AASDH: variants seen among roughly 807,000 people sequenced by gnomAD.
AASDH encodes aminoadipate-semialdehyde dehydrogenase.
Under a neutral mutation model 102.3 loss-of-function variants are expected in AASDH, and 81 were observed. That is an observed-to-expected ratio of 0.79 (90% CI 0.66 to 0.95). The LOEUF (loss-of-function observed/expected upper bound fraction) is 0.95, where lower values mean the gene tolerates loss of function less well. AASDH is among the 40% of genes least tolerant of loss of function. The pLI, the probability that AASDH is intolerant of heterozygous loss-of-function variation, is 0.00. For synonymous variants in AASDH, 398 were observed against 454.0 expected (o/e 0.88, Z 1.57); for missense variants, 1,203 against 1,266.2 (o/e 0.95, Z 0.76).
chr4:56,365,100 C>A (rs1307016513), intron 5 of AASDH, among the ~76,000 whole-genome samples: 1 of 152,018 alleles, frequency 6.6e-6, no homozygotes, highest in Non-Finnish European at 1.5e-5. Context: ...TTTAAACCAA[C>A]AAAGATCAAA....
Position 56,348,616 on chromosome 4 carries a change from T to C in AASDH, c.2488+647A>G, listed in dbSNP as rs376482353. Reference sequence around the variant, plus strand: ...AATGATGGTATGGAACTTGGAACGCTAGGTCATAAAAGGTACTCTGTTCCT... The same window carrying C: ...AATGATGGTATGGAACTTGGAACGCCAGGTCATAAAAGGTACTCTGTTCCT... On this transcript the variant is annotated intron_variant, in intron 11 of 14. Coordinates refer to ENST00000205214, the MANE Select transcript of AASDH (RefSeq NM_181806.4). Among the ~76,000 whole-genome samples the C allele has an allele frequency of 5.8e-4, 88 of 152,252 alleles. 1 individual carries two copies. Among genetic ancestry groups the C allele is most frequent in the African/African-American group, 2.0e-3 (85 of 41,550 alleles).
At chr4:56,359,123 T>C (rs1749985651) in intron 5 of AASDH, among the ~76,000 whole-genome samples, 1 of 151,860 alleles carries the variant, frequency 6.6e-6, no homozygotes, top group African/African-American at 2.4e-5. Context: ...TTTTTTTTTT[T>C]GCTAGTGCAT....
chr4:56,355,048 T>C (rs1276567427), intron 6 of AASDH, 134 bp downstream of exon 6: 7 of 1,175,014 alleles, frequency 6.0e-6, no homozygotes, highest in Admixed American at 5.9e-5. Context: ...AGGTTCTGGA[T>C]TCCCAACTTA....
At chr4:56,376,793 C>A (rs1028607638) in intron 4 of AASDH, among the ~76,000 whole-genome samples, 1 of 152,114 alleles carries the variant, frequency 6.6e-6, no homozygotes. Flanking sequence ...CTTTGCCGGG[C>A]ACGGTGGCTC....
chr4:56,371,552 A>C lies in AASDH; in HGVS notation c.760T>G (p.Ser254Ala), dbSNP rs1751709483. The C allele has an allele frequency of 6.2e-7, 1 of 1,613,484 alleles. No individual in the cohort carries two copies. The highest frequency in any genetic ancestry group is 1.7e-5 in the Admixed American group (1 of 59,728). ...PSVVEIFLAL[S>A]SGASLLIVPT... ...ACAATAAGCAGAGAGGCACCACTTG[A>C]TAGAGCAAGAAATATTTCCACAACA... Residue 254 changes from serine (S) to alanine (A), a missense_variant, in exon 5 of 15, where the codon TCA (serine) becomes GCA (alanine). Physicochemically the swap from Ser to Ala is moderately conservative, Grantham distance 99. Coordinates refer to ENST00000205214, the MANE Select transcript of AASDH (RefSeq NM_181806.4).
chr4:56,374,322 T>C (rs1752087780), intron 4 of AASDH, among the ~76,000 whole-genome samples: 1 of 139,902 alleles, frequency 7.1e-6, no homozygotes, highest in Non-Finnish European at 1.5e-5. Flanking sequence ...GAGCAGAGAC[T>C]GCACTGCTGC....
At chr4:56,339,841 G>C (rs528179219) in intron 14 of AASDH, among the ~76,000 whole-genome samples, 1 of 151,990 alleles carries the variant, frequency 6.6e-6, no homozygotes, top group South Asian at 2.1e-4. Context: ...AGTTAATTGT[G>C]CTGAAAGGAA....
chr4:56,347,719 C>T (rs781648686), intron 11 of AASDH, among the ~76,000 whole-genome samples: 13 of 152,016 alleles, frequency 8.6e-5, no homozygotes, highest in South Asian at 2.1e-4. Flanking sequence ...CTGGACAACA[C>T]GCAGAAGCTC....
chr4:56,373,071 A>G (rs1392695168), intron 4 of AASDH, among the ~76,000 whole-genome samples: 2 of 152,212 alleles, frequency 1.3e-5, no homozygotes, highest in African/African-American at 4.8e-5. Context: ...AGACAAGGTA[A>G]GTAAGAGCAA....
Position 56,338,401 on chromosome 4 carries a change from A to ATTAT in AASDH, c.3294_3297dup, listed in dbSNP as rs779847193. The ATTAT allele has an allele frequency of 1.4e-5, 23 of 1,612,358 alleles. No homozygotes were observed. In the Admixed American group the frequency reaches 3.0e-4, roughly 21 times the overall value. On this transcript the variant is annotated 3_prime_UTR_variant, in exon 15 of 15. Transcript: ENST00000205214. ...GTTATACAAATAAGGACTGTATTTGATTATTTTTGATTGCCACCCAATAAA... is the reference window on the plus strand; with the variant it reads ...GTTATACAAATAAGGACTGTATTTGATTATTTATTTTTGATTGCCACCCAATAAA...
Position 56,382,534 on chromosome 4 carries a change from A to G in AASDH, c.294T>C (p.Thr98=), listed in dbSNP as rs1753097605. 2 of 1,605,914 alleles carry G rather than the reference A, an allele frequency of 1.2e-6. No individual in the cohort carries two copies. Among genetic ancestry groups the G allele is most frequent in the Non-Finnish European group, 1.7e-6 (2 of 1,173,210 alleles). ...TTAGATTACATTTTTTCATAAAATG[A>G]GTTGATAATGACGGTGGTGAATCTG... ...IEPDSPPSLS[T]HFMKKCNLKY... The change falls in exon 3 of 15, where the codon ACT becomes ACC. Residue 98 remains threonine (T), a synonymous_variant. Transcript: ENST00000205214.
At chr4:56,356,681 T>G (rs1018436739) in intron 5 of AASDH, 1 of 690,596 alleles carries the variant, frequency 1.4e-6, no homozygotes, top group Admixed American at 2.0e-5. Context: ...TATTGCATTA[T>G]CAAGGGGAAG....
At chr4:56,372,956 C>T (rs574695557) in intron 4 of AASDH, among the ~76,000 whole-genome samples, 1 of 152,222 alleles carries the variant, frequency 6.6e-6, no homozygotes, top group South Asian at 2.1e-4. Context: ...GTGGGAAAAT[C>T]CAGCAAGGCC....
intron 5 of AASDH, among the ~76,000 whole-genome samples, chr4:56,360,890 AT>A (rs1750209767): frequency 6.6e-6 from 1 of 152,196 alleles, no homozygotes; most frequent in Admixed American, 6.5e-5. Context: ...GTTTTTAGTA[AT>A]AAATTATGAT....
chr4:56,377,595 G>T (rs1012299941), intron 4 of AASDH, among the ~76,000 whole-genome samples: 61 of 152,270 alleles, frequency 4.0e-4, no homozygotes, highest in African/African-American at 1.5e-3. Context: ...TAATTAAGAT[G>T]CAAAGCTTCT....
intron 1 of AASDH, among the ~76,000 whole-genome samples, chr4:56,385,844 A>C (rs1353984197): frequency 1.3e-5 from 2 of 152,084 alleles, no homozygotes; most frequent in Non-Finnish European, 2.9e-5. Context: ...TCCTGACCTA[A>C]GTGATCCACC....
At chr4:56,363,159 G>A (rs570647351) in intron 5 of AASDH, among the ~76,000 whole-genome samples, 4 of 152,356 alleles carry the variant, frequency 2.6e-5, no homozygotes, top group South Asian at 2.1e-4. Flanking sequence ...ACCGCAAGGC[G>A]GCAGCGAGGC....
chr4:56,350,557 C>A (rs575465742), intron 10 of AASDH, among the ~76,000 whole-genome samples: 2 of 151,790 alleles, frequency 1.3e-5, no homozygotes, highest in African/African-American at 4.8e-5. Flanking sequence ...GATCACTGTA[C>A]TACCAATTTT....
chr4:56,356,345 T>C (rs115143373), intron 5 of AASDH: 77 of 1,575,508 alleles, frequency 4.9e-5, no homozygotes, highest in Non-Finnish European at 6.3e-5. Context: ...CATCCCTCAA[T>C]AAGCGGCTGA....
Sources: allele counts gnomAD v4.1 joint callset (sites outside exome capture counted in the v4.1 genomes callset), GRCh38; gene constraint gnomAD v4.1.1; transcripts MANE v1.5; gene names NCBI Gene and HGNC (gene_info 2026-07-23, HGNC 2026-07-21).